PCYT1A: variants seen among roughly 807,000 people sequenced by gnomAD.
The protein encoded by PCYT1A is choline-phosphate cytidylyltransferase A.
PCYT1A carries 25 observed loss-of-function variants against 43.7 expected under a neutral mutation model. The observed-to-expected ratio is 0.57, with a 90% confidence interval of 0.42 to 0.80. PCYT1A has a LOEUF of 0.80. PCYT1A is among the 30% of genes least tolerant of loss of function. PCYT1A has a pLI of 0.00. For missense variants in PCYT1A, 421 were observed against 474.2 expected, an observed-to-expected ratio of 0.89 and a Z score of 1.04; for synonymous variants, 172 against 170.7, an observed-to-expected ratio of 1.01 and a Z score of -0.06.
chr3:196,279,125 TA>T (rs1725677285), intron 1 of PCYT1A, among the ~76,000 whole-genome samples: 2 of 151,574 alleles, frequency 1.3e-5, no homozygotes, highest in South Asian at 4.2e-4. Context: ...CGGTCTCTAC[TA>T]AAACTACAAA....
At chr3:196,255,374 G>A (rs1724923041) in intron 3 of PCYT1A, among the ~76,000 whole-genome samples, 1 of 152,164 alleles carries the variant, frequency 6.6e-6, no homozygotes. Flanking sequence ...TACTGTAGGG[G>A]AAGCCTTCGC....
intron 1 of PCYT1A, among the ~76,000 whole-genome samples, chr3:196,286,685 G>A (rs1289626431): frequency 1.3e-5 from 2 of 152,136 alleles, no homozygotes; most frequent in East Asian, 1.9e-4. Context: ...AGGCCTAGGC[G>A]GGTGGATCAC....
intron 1 of PCYT1A, among the ~76,000 whole-genome samples, chr3:196,275,888 G>A (rs1424892306): frequency 6.6e-6 from 1 of 151,838 alleles, no homozygotes; most frequent in African/African-American, 2.4e-5. Flanking sequence ...ACAAGGTCAG[G>A]AGATTGAGAA....
At chr3:196,259,442 T>C (rs1321289813) in intron 2 of PCYT1A, among the ~76,000 whole-genome samples, 1 of 152,208 alleles carries the variant, frequency 6.6e-6, no homozygotes, top group Non-Finnish European at 1.5e-5. Context: ...CGTATCATGA[T>C]TGGGCTGAAT....
At chr3:196,253,446 C>A (rs887470661) in intron 3 of PCYT1A, among the ~76,000 whole-genome samples, 7 of 152,098 alleles carry the variant, frequency 4.6e-5, no homozygotes, top group Non-Finnish European at 1.0e-4. Flanking sequence ...ACTATTCGAT[C>A]CTGAAACACA....
chr3:196,270,113 C>T (rs1020229926), intron 2 of PCYT1A, among the ~76,000 whole-genome samples: 5 of 152,200 alleles, frequency 3.3e-5, no homozygotes, highest in Non-Finnish European at 5.9e-5. Context: ...ATCCTCCCAC[C>T]TCAGCCTCCC....
chr3:196,278,138 G>A (rs1725645709), intron 1 of PCYT1A, among the ~76,000 whole-genome samples: 1 of 152,088 alleles, frequency 6.6e-6, no homozygotes. Flanking sequence ...GAGGATGAGG[G>A]CGTACTGAAG....
intron 2 of PCYT1A, 133 bp from the exon 3 acceptor site, chr3:196,258,020 T>C (rs932493916): frequency 3.2e-5 from 18 of 558,962 alleles, no homozygotes; most frequent in Non-Finnish European, 4.4e-5. Flanking sequence ...GATTTCGTTA[T>C]TCCCGCCTGT....
At chr3:196,255,884 C>G (rs1724936466) in intron 3 of PCYT1A, among the ~76,000 whole-genome samples, 1 of 152,124 alleles carries the variant, frequency 6.6e-6, no homozygotes, top group Non-Finnish European at 1.5e-5. Context: ...TTTCAATAGC[C>G]TCTACTATCA....
intron 3 of PCYT1A, among the ~76,000 whole-genome samples, chr3:196,257,470 T>G (rs1196325771): frequency 2.6e-5 from 4 of 152,290 alleles, no homozygotes; most frequent in African/African-American, 9.6e-5. Context: ...TGACACATGA[T>G]TTGGACTTTA....
At chr3:196,284,105 TTAG>T (rs1409415408) in intron 1 of PCYT1A, among the ~76,000 whole-genome samples, 1 of 152,180 alleles carries the variant, frequency 6.6e-6, no homozygotes, top group Non-Finnish European at 1.5e-5. Flanking sequence ...GAAATTTCTA[TTAG>T]TAGAAAAATC....
At chr3:196,258,298 AAAAG>A (rs1452620363) in intron 2 of PCYT1A, among the ~76,000 whole-genome samples, 1 of 151,986 alleles carries the variant, frequency 6.6e-6, no homozygotes, top group Non-Finnish European at 1.5e-5. Flanking sequence ...AAAAAAAAAA[AAAAG>A]AGTTTTTGTT....
At chr3:196,271,638 C>T (rs1413549191) in intron 1 of PCYT1A, among the ~76,000 whole-genome samples, 1 of 137,822 alleles carries the variant, frequency 7.3e-6, no homozygotes, top group Non-Finnish European at 1.6e-5. Context: ...CTCACTGTGT[C>T]ACCCTGGCTA....
At chr3:196,271,962 T>C (rs1216367618) in intron 1 of PCYT1A, among the ~76,000 whole-genome samples, 4 of 1,354 alleles carry the variant, frequency 3.0e-3, no homozygotes, top group African/African-American at 0.027. Context: ...ACCAGCATAA[T>C]GTATTTTTTA....
intron 2 of PCYT1A, among the ~76,000 whole-genome samples, chr3:196,264,358 C>T (rs1457162681): frequency 2.6e-5 from 4 of 152,122 alleles, no homozygotes; most frequent in East Asian, 3.8e-4. Flanking sequence ...TGAAGGGCTG[C>T]GATTACAGGC....
intron 1 of PCYT1A, among the ~76,000 whole-genome samples, chr3:196,281,849 CA>C (rs1240927043): frequency 1.3e-5 from 2 of 152,154 alleles, no homozygotes; most frequent in African/African-American, 4.8e-5. Context: ...AGGCACATGC[CA>C]CTACACCCAG....
chr3:196,274,463 T>C (rs931593593), intron 1 of PCYT1A, among the ~76,000 whole-genome samples: 2 of 152,226 alleles, frequency 1.3e-5, no homozygotes, highest in African/African-American at 4.8e-5. Context: ...TGCGTTTTTC[T>C]TAAGTAACAC....
At chr3:196,283,396 T>C (rs954027159) in intron 1 of PCYT1A, 2 of 152,142 alleles carry the variant, frequency 1.3e-5, no homozygotes, top group African/African-American at 4.8e-5. Flanking sequence ...TATTAATATA[T>C]ATCTATTAAC....
At chr3:196,255,693 AAAAAC>A (rs542925303) in intron 3 of PCYT1A, among the ~76,000 whole-genome samples, 1 of 152,216 alleles carries the variant, frequency 6.6e-6, no homozygotes, top group Non-Finnish European at 1.5e-5. Flanking sequence ...ACTCTGTCTC[AAAAAC>A]AAAACAAAAC....
Sources: gnomAD v4.1 joint callset for allele counts (sites outside exome capture counted in the v4.1 genomes callset) on GRCh38, gnomAD v4.1.1 for gene constraint, MANE v1.5 for transcripts, NCBI Gene and HGNC (gene_info 2026-07-23, HGNC 2026-07-21) for gene names.